The following SEMA3E variants were observed in gnomAD, a reference collection of about 807,000 sequenced individuals.
The protein encoded by SEMA3E is semaphorin 3E.
In SEMA3E, 49 loss-of-function variants were observed where a neutral mutation model predicts 93.6. That is an observed-to-expected ratio of 0.52 (90% confidence interval 0.42 to 0.66). The LOEUF is 0.66. Among genes scored for constraint, SEMA3E ranks in the 30% least tolerant of loss-of-function variants. The pLI is 0.00. For synonymous variants in SEMA3E, 363 were observed against 330.7 expected (o/e 1.10, Z -1.06); for missense variants, 906 against 964.8 (o/e 0.94, Z 0.81).
intron 4 of SEMA3E, among the ~76,000 whole-genome samples, chr7:83,433,126 G>A (rs1477932697): frequency 6.6e-6 from 1 of 151,888 alleles, no homozygotes; most frequent in African/African-American, 2.4e-5. Context: ...CTCTGTAAAG[G>A]GGCTTTGCAC....
chr7:83,580,908 G>A (rs1792506490), intron 1 of SEMA3E, among the ~76,000 whole-genome samples: 1 of 151,842 alleles, frequency 6.6e-6, no homozygotes, highest in South Asian at 2.1e-4. Flanking sequence ...TTAATATGTT[G>A]AATTCTGTGT....
intron 1 of SEMA3E, among the ~76,000 whole-genome samples, chr7:83,572,255 T>G (rs933913102): frequency 2.0e-5 from 3 of 152,124 alleles, no homozygotes; most frequent in Non-Finnish European, 4.4e-5. Flanking sequence ...AAAAAAAGTG[T>G]ATGAGTAGCC....
intron 1 of SEMA3E, among the ~76,000 whole-genome samples, chr7:83,608,391 A>G (rs1793172108): frequency 6.6e-6 from 1 of 152,092 alleles, no homozygotes; most frequent in South Asian, 2.1e-4. Flanking sequence ...CTTAATAGGA[A>G]TTTTTTAAAG....
At chr7:83,516,645 A>G (rs1469181078) in intron 1 of SEMA3E, among the ~76,000 whole-genome samples, 1 of 152,318 alleles carries the variant, frequency 6.6e-6, no homozygotes, top group Admixed American at 6.5e-5. Context: ...TGCTTAGAAC[A>G]GAGAGAATAC....
intron 4 of SEMA3E, among the ~76,000 whole-genome samples, chr7:83,422,634 A>T (rs1458039971): frequency 6.6e-6 from 1 of 152,202 alleles, no homozygotes; most frequent in Non-Finnish European, 1.5e-5. Flanking sequence ...GAAAGCTGAC[A>T]GTGATACTAG....
intron 1 of SEMA3E, among the ~76,000 whole-genome samples, chr7:83,603,348 AAG>A (rs1793038618): frequency 1.3e-5 from 2 of 152,092 alleles, no homozygotes; most frequent in Non-Finnish European, 2.9e-5. Context: ...CAAGACATAA[AAG>A]AGAGTAAAAA....
intron 2 of SEMA3E, among the ~76,000 whole-genome samples, chr7:83,484,040 T>A (rs968169257): frequency 1.3e-4 from 20 of 152,202 alleles, no homozygotes; most frequent in African/African-American, 4.8e-4. Context: ...ATCTGTGAAA[T>A]CCTTTGGAAT....
At chr7:83,409,588 C>T (rs1203736330) in intron 5 of SEMA3E, among the ~76,000 whole-genome samples, 1 of 151,974 alleles carries the variant, frequency 6.6e-6, no homozygotes, top group Non-Finnish European at 1.5e-5. Flanking sequence ...TGTATGCATA[C>T]ACATATTTAA....
At chr7:83,563,724 T>C (rs1792083125) in intron 1 of SEMA3E, among the ~76,000 whole-genome samples, 1 of 152,186 alleles carries the variant, frequency 6.6e-6, no homozygotes, top group South Asian at 2.1e-4. Flanking sequence ...AAATTTTTCA[T>C]AAATATTGAG....
chr7:83,506,028 A>ATATATATATATAT (rs1476328697), intron 1 of SEMA3E, among the ~76,000 whole-genome samples: 1 of 133,358 alleles, frequency 7.5e-6, no homozygotes, highest in African/African-American at 2.9e-5. Context: ...AAAAAAAAAA[A>ATATATATATATAT]AAAAATATAT....
At chr7:83,398,211 T>G (rs1293411372) in intron 11 of SEMA3E, among the ~76,000 whole-genome samples, 2 of 152,188 alleles carry the variant, frequency 1.3e-5, no homozygotes, top group Non-Finnish European at 2.9e-5. Context: ...TGAAATTCTC[T>G]GGAATTACTT....
intron 1 of SEMA3E, among the ~76,000 whole-genome samples, chr7:83,539,710 C>A (rs1291277624): frequency 2.0e-5 from 3 of 152,110 alleles, no homozygotes; most frequent in Non-Finnish European, 4.4e-5. Context: ...AATATTTCTG[C>A]TAAGTTATCC....
chr7:83,512,535 G>A (rs1271365051), intron 1 of SEMA3E, among the ~76,000 whole-genome samples: 1 of 152,100 alleles, frequency 6.6e-6, no homozygotes, highest in African/African-American at 2.4e-5. Context: ...TTGTTCTGAT[G>A]CTCTGTAACT....
intron 4 of SEMA3E, among the ~76,000 whole-genome samples, chr7:83,456,766 A>G (rs11772134): frequency 6.6e-6 from 1 of 151,978 alleles, no homozygotes; most frequent in East Asian, 1.9e-4. Flanking sequence ...GATGCCGGCC[A>G]CCATGCCTGG....
At chr7:83,580,913 C>A (rs1024054655) in intron 1 of SEMA3E, among the ~76,000 whole-genome samples, 1 of 151,900 alleles carries the variant, frequency 6.6e-6, no homozygotes, top group African/African-American at 2.4e-5. Context: ...ATGTTGAATT[C>A]TGTGTCAAAA....
intron 16 of SEMA3E, among the ~76,000 whole-genome samples, chr7:83,378,631 G>A (rs1030180072): frequency 6.6e-6 from 1 of 151,716 alleles, no homozygotes; most frequent in African/African-American, 2.4e-5. Context: ...TGGAAACTTG[G>A]TCCTCGTTTT....
chr7:83,386,969 T>A lies in SEMA3E; in HGVS notation c.1735+14A>T. 1 of 1,611,782 alleles carries A rather than the reference T, an allele frequency of 6.2e-7. No individual in the cohort carries two copies. Among genetic ancestry groups the A allele is most frequent in the South Asian group, 1.1e-5 (1 of 90,890 alleles). On this transcript the variant is annotated intron_variant, in intron 15 of 16. Transcript: ENST00000643230. ...CTCTGAGTAACCCAGAACAACTGAT[T>A]TTCTATGGATTACCAACAAACTGTT...
chr7:83,454,484 A>G (rs927230389), intron 4 of SEMA3E, among the ~76,000 whole-genome samples: 5 of 151,904 alleles, frequency 3.3e-5, no homozygotes, highest in African/African-American at 1.2e-4. Flanking sequence ...TATTAAATGC[A>G]TGGCTATAAT....
chr7:83,577,483 C>G (rs1792430238), intron 1 of SEMA3E, among the ~76,000 whole-genome samples: 7 of 152,248 alleles, frequency 4.6e-5, no homozygotes, highest in Admixed American at 3.3e-4. Flanking sequence ...TCACAAAAGT[C>G]TTGCGAGTAG....
Sources: gnomAD v4.1 joint callset for allele counts (sites outside exome capture counted in the v4.1 genomes callset) on GRCh38, gnomAD v4.1.1 for gene constraint, MANE v1.5 for transcripts, NCBI Gene and HGNC (gene_info 2026-07-23, HGNC 2026-07-21) for gene names.